ATP8B1: variants seen among roughly 807,000 people sequenced by gnomAD.
ATP8B1 encodes the protein phospholipid-transporting ATPase IC.
A neutral mutation model predicts 149.9 loss-of-function variants in ATP8B1; 80 were observed. The ratio of observed to expected loss-of-function variants is 0.53; its 90% CI spans 0.45 to 0.64. The LOEUF is 0.64. Ranked by LOEUF, ATP8B1 falls within the 30% of genes least tolerant of loss-of-function variation. ATP8B1 has a pLI of 0.00. For synonymous variants in ATP8B1, 536 were observed against 562.8 expected (o/e 0.95, Z 0.67); for missense variants, 1,247 against 1,552.6 (o/e 0.80, Z 3.31).
rs2122707957 is a variant in ATP8B1, at chr18:57,668,829, G to C, written c.2098-289C>G. On this transcript the variant is annotated intron_variant, in intron 18 of 27. Transcript: ENST00000648908. ...AAAAATACACTTTTCTTGTGTATTT[G>C]TGGCTTTATACTGACATAAACCGTA... The C allele has an allele frequency of 8.0e-6, 3 of 377,086 alleles. No homozygotes were observed. In the South Asian group the frequency reaches 1.0e-4, roughly 13 times the overall value. The allele number at this position is 377,086 out of a possible 1,614,324, so 23.4% of individuals were successfully genotyped here.
intron 2 of ATP8B1, among the ~76,000 whole-genome samples, chr18:57,707,036 G>A (rs993546322): frequency 6.6e-6 from 1 of 152,208 alleles, no homozygotes; most frequent in Non-Finnish European, 1.5e-5. Flanking sequence ...GCCGGGCGCG[G>A]TGGCTCACGC....
intron 1 of ATP8B1, among the ~76,000 whole-genome samples, chr18:57,746,429 T>C (rs571462583): frequency 6.7e-4 from 101 of 151,870 alleles, no homozygotes; most frequent in African/African-American, 2.4e-3. Flanking sequence ...GGGAGAAAAG[T>C]TGGATCAGGC....
intron 2 of ATP8B1, among the ~76,000 whole-genome samples, chr18:57,725,201 T>C: frequency 7.1e-6 from 1 of 141,652 alleles, no homozygotes; most frequent in Non-Finnish European, 1.5e-5. Flanking sequence ...TGTATACATA[T>C]GTAACTAACC....
chr18:57,755,192 C>CG (rs1353614022), intron 1 of ATP8B1, among the ~76,000 whole-genome samples: 1 of 151,926 alleles, frequency 6.6e-6, no homozygotes, highest in African/African-American at 2.4e-5. Context: ...TTGGAGAACC[C>CG]GGGGCTGAAA....
In ATP8B1 at chr18:57,708,157, C is replaced by CAA. The variant is rs36027330; in HGVS notation, c.182-1572_182-1571dup. Among the ~76,000 whole-genome samples the CAA allele has an allele frequency of 5.4e-3, 360 of 66,206 alleles. 9 individuals are homozygous for CAA. The East Asian group carries it at 0.06, about 11-fold the overall frequency. 43.4% of individuals were successfully genotyped at this position (66,206 alleles called of 152,430 possible). On this transcript the variant is annotated intron_variant, in intron 2 of 27. Transcript: ENST00000648908. Reference sequence around the variant, plus strand: ...TGGGCGACAGACGGAAACTCTGTCTCAAAAAAAAAAAAAAAAAAAAAAAGT... The same window carrying CAA: ...TGGGCGACAGACGGAAACTCTGTCTCAAAAAAAAAAAAAAAAAAAAAAAAAGT...
chr18:57,648,047 C>T lies in ATP8B1; in HGVS notation c.*441G>A, dbSNP rs906816644. 14 of 309,280 alleles carry T rather than the reference C, an allele frequency of 4.5e-5. No homozygotes were observed. Among genetic ancestry groups the T allele is most frequent in the Admixed American group, 1.3e-4 (3 of 22,384 alleles). 19.2% of individuals were successfully genotyped at this position (309,280 alleles called of 1,614,324 possible). A position where few individuals can be genotyped will look rare whatever the true frequency, so the allele number is the denominator to read the frequency against. ...TGTCACCCAGGCTGGAGTGCAGTGGCGCAATCTCGGCTCACTGTAACCTCC... is the reference window on the plus strand; with the variant it reads ...TGTCACCCAGGCTGGAGTGCAGTGGTGCAATCTCGGCTCACTGTAACCTCC... On this transcript the variant is annotated 3_prime_UTR_variant, in exon 28 of 28. Coordinates refer to ENST00000648908, the MANE Select transcript of ATP8B1 (RefSeq NM_001374385.1).
At chr18:57,758,156 G>A (rs2123308544) in intron 1 of ATP8B1, among the ~76,000 whole-genome samples, 2 of 152,136 alleles carry the variant, frequency 1.3e-5, no homozygotes, top group Admixed American at 1.3e-4. Flanking sequence ...ACCAAGTCTG[G>A]CCCCATCCTT....
chr18:57,778,123 A>G (rs1284836120), intron 1 of ATP8B1, among the ~76,000 whole-genome samples: 2 of 152,240 alleles, frequency 1.3e-5, no homozygotes, highest in Admixed American at 6.5e-5. Flanking sequence ...ATTGTACCTT[A>G]AATCTTTGCC....
chr18:57,694,438 T>A, intron 11 of ATP8B1, 144 bp downstream of exon 11: 1 of 603,506 alleles, frequency 1.7e-6, no homozygotes, highest in Non-Finnish European at 2.9e-6. Context: ...AAATCCCTTC[T>A]TCCTGCATTT....
intron 1 of ATP8B1, among the ~76,000 whole-genome samples, chr18:57,744,602 G>C (rs1167053358): frequency 1.3e-5 from 2 of 152,114 alleles, no homozygotes; most frequent in African/African-American, 4.8e-5. Context: ...ATCCTTAGTT[G>C]TTAGGGACAA....
chr18:57,660,039 G>A (rs1484380995), intron 22 of ATP8B1, among the ~76,000 whole-genome samples: 1 of 152,164 alleles, frequency 6.6e-6, no homozygotes, highest in Non-Finnish European at 1.5e-5. Context: ...AGCCCAAGGT[G>A]ACACCGGATT....
chr18:57,707,656 C>G (rs546617554), intron 2 of ATP8B1, among the ~76,000 whole-genome samples: 46 of 151,586 alleles, frequency 3.0e-4, no homozygotes, highest in African/African-American at 1.1e-3. Context: ...TTACAGGTGC[C>G]TGCCACCACA....
chr18:57,771,951 T>C (rs191119582), intron 1 of ATP8B1, among the ~76,000 whole-genome samples: 1 of 152,294 alleles, frequency 6.6e-6, no homozygotes, highest in Non-Finnish European at 1.5e-5. Flanking sequence ...TACTAATTAG[T>C]CGGCAGACAT....
intron 1 of ATP8B1, among the ~76,000 whole-genome samples, chr18:57,785,672 ATT>A (rs1401852609): frequency 6.6e-6 from 1 of 151,908 alleles, no homozygotes. Context: ...TGCCCAGCTA[ATT>A]TTTGTATTTT....
At chr18:57,657,815 C>T (rs1041212035) in intron 22 of ATP8B1, among the ~76,000 whole-genome samples, 4 of 152,162 alleles carry the variant, frequency 2.6e-5, no homozygotes, top group African/African-American at 9.7e-5. Context: ...CCTCAACCTT[C>T]CCGCTGAGCA....
At chr18:57,738,094 T>C (rs2079876411) in intron 1 of ATP8B1, 1 of 152,124 alleles carries the variant, frequency 6.6e-6, no homozygotes, top group Non-Finnish European at 1.5e-5. Context: ...CTAAATGACA[T>C]AAGGAAGATT....
intron 1 of ATP8B1, among the ~76,000 whole-genome samples, chr18:57,764,950 G>T (rs867249519): frequency 6.6e-6 from 1 of 152,110 alleles, no homozygotes; most frequent in African/African-American, 2.4e-5. Context: ...ATACCCAAAA[G>T]AATTGAAGGC....
chr18:57,778,229 T>A (rs1328468641), intron 1 of ATP8B1, among the ~76,000 whole-genome samples: 1 of 53,488 alleles, frequency 1.9e-5, no homozygotes, highest in Non-Finnish European at 3.2e-5. Flanking sequence ...TTTCTTTTTC[T>A]TTTTTTTTTT....
At chr18:57,764,089 C>G (rs1225282773) in intron 1 of ATP8B1, among the ~76,000 whole-genome samples, 1 of 152,310 alleles carries the variant, frequency 6.6e-6, no homozygotes, top group East Asian at 1.9e-4. Flanking sequence ...GGATCCAGAA[C>G]AAGCCCGGTC....
Sources: gnomAD v4.1 joint callset for allele counts (sites outside exome capture counted in the v4.1 genomes callset) on GRCh38, gnomAD v4.1.1 for gene constraint, MANE v1.5 for transcripts, NCBI Gene and HGNC (gene_info 2026-07-23, HGNC 2026-07-21) for gene names.